Variants in DAB1 observed in about 807,000 individuals in gnomAD.
The protein encoded by DAB1 is disabled homolog 1.
In DAB1, 15 loss-of-function variants were observed where a neutral mutation model predicts 64.6. The ratio of observed to expected loss-of-function variants is 0.23; its 90% CI spans 0.16 to 0.36. The LOEUF (loss-of-function observed/expected upper bound fraction) is 0.36. Among genes scored for constraint, DAB1 ranks in the 10% least tolerant of loss-of-function variants. The pLI is 1.00. For missense variants in DAB1, 596 were observed against 706.7 expected (o/e 0.84, Z 1.78); for synonymous variants, 235 against 251.9 (o/e 0.93, Z 0.64).
At chr1:57,876,319 A>G (rs985675040) in intron 1 of DAB1, 1 of 152,278 alleles carries the variant, frequency 6.6e-6, no homozygotes, top group African/African-American at 2.4e-5. Context: ...CGATGTCCCC[A>G]GAAGGATAAA....
chr1:57,925,079 G>A (rs957530644), intron 5 of DAB1, among the ~76,000 whole-genome samples: 1 of 152,210 alleles, frequency 6.6e-6, no homozygotes, highest in African/African-American at 2.4e-5. Context: ...AGAATAATGG[G>A]CTCAAAAGGA....
At chr1:57,126,360 T>C (rs889380085) in intron 4 of DAB1, among the ~76,000 whole-genome samples, 1 of 152,186 alleles carries the variant, frequency 6.6e-6, no homozygotes, top group African/African-American at 2.4e-5. Context: ...CCCATACCCA[T>C]TTCTTTGTTT....
intron 5 of DAB1, among the ~76,000 whole-genome samples, chr1:57,936,040 CT>C (rs1645019919): frequency 6.6e-6 from 1 of 152,220 alleles, no homozygotes. Context: ...CATCCTGAAC[CT>C]TGGTTTTCTC....
chr1:58,496,169 C>T (rs1645798441), intron 3 of DAB1, among the ~76,000 whole-genome samples: 1 of 144,928 alleles, frequency 6.9e-6, no homozygotes, highest in East Asian at 2.1e-4. Context: ...TTTTTTTAGA[C>T]TTTTTTTTTT....
intron 1 of DAB1, among the ~76,000 whole-genome samples, chr1:57,373,702 A>T (rs1231595882): frequency 1.3e-5 from 2 of 152,176 alleles, no homozygotes; most frequent in African/African-American, 4.8e-5. Context: ...GATGAAAAGA[A>T]ATCAGCAGTC....
At chr1:58,015,892 G>A (rs1646731303) in intron 5 of DAB1, among the ~76,000 whole-genome samples, 1 of 152,122 alleles carries the variant, frequency 6.6e-6, no homozygotes, top group Admixed American at 6.5e-5. Context: ...GTTCTGCAAG[G>A]AGGACACAAG....
chr1:57,930,980 T>A (rs1026066137), intron 5 of DAB1, among the ~76,000 whole-genome samples: 2 of 152,198 alleles, frequency 1.3e-5, no homozygotes, highest in African/African-American at 4.8e-5. Context: ...AGTATCATGT[T>A]AGTTGTAGGT....
chr1:58,046,209 T>A (rs563026321), intron 5 of DAB1, among the ~76,000 whole-genome samples: 12 of 152,192 alleles, frequency 7.9e-5, no homozygotes. Context: ...ATTTTGATAC[T>A]GAAGAAAAGC....
At chr1:57,027,030 AC>A (rs1464720859) in intron 9 of DAB1, among the ~76,000 whole-genome samples, 2 of 152,178 alleles carry the variant, frequency 1.3e-5, no homozygotes, top group Non-Finnish European at 2.9e-5. Context: ...ACTTAGACAT[AC>A]CACTTAGTAG....
intron 1 of DAB1, chr1:57,874,942 G>A (rs1016153746): frequency 1.3e-5 from 2 of 152,164 alleles, no homozygotes; most frequent in African/African-American, 4.8e-5. Flanking sequence ...CAGGATACAT[G>A]CTTCTAGAAA....
At chr1:57,628,125 G>T (rs971173212) in intron 7 of DAB1, among the ~76,000 whole-genome samples, 2 of 152,178 alleles carry the variant, frequency 1.3e-5, no homozygotes, top group Non-Finnish European at 2.9e-5. Flanking sequence ...ACTCTGCCTC[G>T]TGGGTGTGAC....
intron 4 of DAB1, among the ~76,000 whole-genome samples, chr1:58,152,220 A>AC (rs1232456914): frequency 6.6e-6 from 1 of 151,824 alleles, no homozygotes; most frequent in Non-Finnish European, 1.5e-5. Context: ...GACATACTAT[A>AC]CCCCCCATTC....
chr1:57,009,089 T>C (rs1646184904), intron 14 of DAB1, among the ~76,000 whole-genome samples: 1 of 152,262 alleles, frequency 6.6e-6, no homozygotes, highest in Admixed American at 6.5e-5. Flanking sequence ...TAAGTCATCT[T>C]TGTTTTCTAG....
At chr1:58,483,315 G>C (rs560152813) in intron 3 of DAB1, among the ~76,000 whole-genome samples, 55 of 152,136 alleles carry the variant, frequency 3.6e-4, no homozygotes, top group Non-Finnish European at 5.3e-4. Flanking sequence ...GGGTATGGTA[G>C]GGGCACAGGT....
intron 7 of DAB1, among the ~76,000 whole-genome samples, chr1:57,531,458 G>A (rs1644663033): frequency 6.6e-6 from 1 of 152,126 alleles, no homozygotes; most frequent in African/African-American, 2.4e-5. Context: ...CTGTTTGGTG[G>A]TCTCTTCACA....
chr1:58,044,876 A>G (rs1457007490), intron 5 of DAB1, among the ~76,000 whole-genome samples: 9 of 152,194 alleles, frequency 5.9e-5, no homozygotes, highest in Non-Finnish European at 1.2e-4. Flanking sequence ...GAACAAACCT[A>G]TAAGGCTGGT....
chr1:57,083,809 G>C (rs968042294), intron 4 of DAB1, among the ~76,000 whole-genome samples: 1 of 152,190 alleles, frequency 6.6e-6, no homozygotes, highest in Non-Finnish European at 1.5e-5. Flanking sequence ...GCATGATTTG[G>C]AGTAGACACA....
chr1:57,549,606 T>G (rs1233328325), intron 7 of DAB1, among the ~76,000 whole-genome samples: 1 of 152,124 alleles, frequency 6.6e-6, no homozygotes, highest in Non-Finnish European at 1.5e-5. Flanking sequence ...ATAAATCAAA[T>G]TATAATAACC....
chr1:57,937,235 G>A (rs1645039328), intron 5 of DAB1, among the ~76,000 whole-genome samples: 1 of 152,024 alleles, frequency 6.6e-6, no homozygotes, highest in South Asian at 2.1e-4. Flanking sequence ...AGGAGGGAAG[G>A]GACCCAACGG....
Sources: gnomAD v4.1 joint callset for allele counts (sites outside exome capture counted in the v4.1 genomes callset) on GRCh38, gnomAD v4.1.1 for gene constraint, MANE v1.5 for transcripts, NCBI Gene and HGNC (gene_info 2026-07-23, HGNC 2026-07-21) for gene names.